Variants in EXOC2 observed in about 807,000 individuals in gnomAD.
EXOC2 encodes the protein exocyst complex component 2, also known as SEC5-like 1.
A neutral mutation model predicts 131.8 loss-of-function variants in EXOC2; 70 were observed. That is an observed-to-expected ratio of 0.53 (90% CI 0.44 to 0.65). The LOEUF is 0.65. EXOC2 is among the 30% of genes least tolerant of loss of function. EXOC2 has a pLI of 0.00. For missense variants in EXOC2, 923 were observed against 1,108.6 expected, an observed-to-expected ratio of 0.83 and a Z score of 2.38; for synonymous variants, 411 against 398.4, an observed-to-expected ratio of 1.03 and a Z score of -0.38.
At chr6:657,941 T>A (rs1394344896) in intron 1 of EXOC2, among the ~76,000 whole-genome samples, 2 of 152,206 alleles carry the variant, frequency 1.3e-5, no homozygotes, top group Non-Finnish European at 2.9e-5. Context: ...CTTTTCACAC[T>A]GTTTTTGGTA....
At chr6:608,552 T>C (rs1046183371) in intron 7 of EXOC2, among the ~76,000 whole-genome samples, 4 of 152,076 alleles carry the variant, frequency 2.6e-5, no homozygotes, top group African/African-American at 7.2e-5. Context: ...GACACTTTTC[T>C]GGAAAAAAAA....
At chr6:515,531 A>T (rs1244181094) in intron 23 of EXOC2, among the ~76,000 whole-genome samples, 1 of 152,230 alleles carries the variant, frequency 6.6e-6, no homozygotes, top group Non-Finnish European at 1.5e-5. Context: ...GGCTGAATGC[A>T]GCCAGTGTGG....
chr6:606,434 CCACAT>C (rs1382282370), intron 7 of EXOC2, among the ~76,000 whole-genome samples: 5 of 151,320 alleles, frequency 3.3e-5, no homozygotes, highest in Non-Finnish European at 4.4e-5. Flanking sequence ...AAAAGAATCT[CCACAT>C]CACAAGAAAA....
intron 1 of EXOC2, among the ~76,000 whole-genome samples, chr6:653,323 C>A (rs1762915725): frequency 6.6e-6 from 1 of 152,196 alleles, no homozygotes; most frequent in Admixed American, 6.5e-5. Flanking sequence ...TAAAGCCAGG[C>A]CTTCTTGTGG....
At chr6:497,968 C>T (rs949405636) in intron 24 of EXOC2, among the ~76,000 whole-genome samples, 1 of 152,208 alleles carries the variant, frequency 6.6e-6, no homozygotes, top group African/African-American at 2.4e-5. Flanking sequence ...TTTACACATA[C>T]TGTACTCAAT....
In EXOC2 at chr6:592,446, C is replaced by T. The variant is rs763159428; in HGVS notation, c.1192+23G>A. On this transcript the variant is annotated intron_variant, in intron 11 of 27. Transcript: ENST00000230449. Reference sequence around the variant, plus strand: ...AAAATGACATGAAGGAATCACACAACACATTGGAAGAGAAATCCTTGCCTT... The same window carrying T: ...AAAATGACATGAAGGAATCACACAATACATTGGAAGAGAAATCCTTGCCTT... 5 of 1,588,914 alleles carry T rather than the reference C, an allele frequency of 3.1e-6. No individual in the cohort carries two copies. The Admixed American group carries it at 8.4e-5, about 27-fold the overall frequency.
At chr6:570,019 A>C (rs1489133670) in intron 13 of EXOC2, among the ~76,000 whole-genome samples, 1 of 152,240 alleles carries the variant, frequency 6.6e-6, no homozygotes, top group East Asian at 1.9e-4. Flanking sequence ...AGGGAAGGCA[A>C]CTACTGTCCA....
At chr6:567,836 C>T (rs1025361884) in intron 13 of EXOC2, among the ~76,000 whole-genome samples, 1 of 152,200 alleles carries the variant, frequency 6.6e-6, no homozygotes, top group Non-Finnish European at 1.5e-5. Flanking sequence ...CTGCCCCAAA[C>T]GCTCTGGGTC....
chr6:657,093 CG>C, intron 1 of EXOC2: 1 of 624,310 alleles, frequency 1.6e-6, no homozygotes, highest in Non-Finnish European at 2.6e-6. Context: ...GTTGCGGTTG[CG>C]GGTTCTGTTG....
chr6:532,463 A>ACTTACCTGTTG lies in EXOC2; in HGVS notation c.2375_2380+5dup. On this transcript the variant is annotated splice_donor_region_variant and intron_variant, in intron 23 of 27. Transcript: ENST00000230449. ...CATCTATTACTCAAGAAACTTTATTACTTACCTGTTGGAGGCAGGCAGTCC... is the reference window on the plus strand; with the variant it reads ...CATCTATTACTCAAGAAACTTTATTACTTACCTGTTGCTTACCTGTTGGAGGCAGGCAGTCC... 2 of 1,571,574 alleles carry ACTTACCTGTTG rather than the reference A, an allele frequency of 1.3e-6. No homozygotes were observed. Among genetic ancestry groups the ACTTACCTGTTG allele is most frequent in the Non-Finnish European group, 1.7e-6 (2 of 1,165,066 alleles).
intron 3 of EXOC2, among the ~76,000 whole-genome samples, chr6:630,215 A>T (rs1183140193): frequency 6.6e-6 from 1 of 152,240 alleles, no homozygotes; most frequent in Non-Finnish European, 1.5e-5. Context: ...TCAACAGAGA[A>T]GACAAATTAA....
chr6:623,414 T>A (rs1761395473), intron 4 of EXOC2, among the ~76,000 whole-genome samples: 1 of 152,242 alleles, frequency 6.6e-6, no homozygotes, highest in Non-Finnish European at 1.5e-5. Context: ...ACTGAAGACA[T>A]TAAAACTCTT....
chr6:563,318 A>T (rs1581445016), intron 16 of EXOC2, among the ~76,000 whole-genome samples: 1 of 152,204 alleles, frequency 6.6e-6, no homozygotes, highest in Non-Finnish European at 1.5e-5. Flanking sequence ...GGGCAGGCTC[A>T]GGTTCCTAGG....
chr6:492,025 G>A (rs551440771), intron 25 of EXOC2, among the ~76,000 whole-genome samples: 4 of 152,316 alleles, frequency 2.6e-5, no homozygotes, highest in Non-Finnish European at 2.9e-5. Flanking sequence ...AGATCTAAAT[G>A]TAAGAAACTT....
At chr6:653,624 A>C (rs935253638) in intron 1 of EXOC2, among the ~76,000 whole-genome samples, 3 of 152,256 alleles carry the variant, frequency 2.0e-5, no homozygotes, top group African/African-American at 7.2e-5. Flanking sequence ...TACGGAAAGA[A>C]GCTATTTCCA....
chr6:566,521 C>G (rs776715590), intron 13 of EXOC2, among the ~76,000 whole-genome samples: 8 of 152,170 alleles, frequency 5.3e-5, no homozygotes, highest in Non-Finnish European at 1.2e-4. Flanking sequence ...CTAACACCAG[C>G]GGCTCTGAGT....
rs559522700 is a variant in EXOC2 at position 585,644 on chromosome 6, T to G, written c.1192+6825A>C. On this transcript the variant is annotated intron_variant, in intron 11 of 27. Transcript: ENST00000230449. Reference sequence around the variant, plus strand: ...TGAATACCACAGGGCTACATACAATTAACATTTTTTTCCCAAACCACCAAA... The same window carrying G: ...TGAATACCACAGGGCTACATACAATGAACATTTTTTTCCCAAACCACCAAA... 1.2e-4 allele frequency among the ~76,000 whole-genome samples: 19 copies of G among 152,332 alleles called. No homozygotes were observed. The East Asian group carries it at 3.7e-3, about 29-fold the overall frequency.
chr6:496,938 C>T (rs1763777112), intron 25 of EXOC2, among the ~76,000 whole-genome samples: 3 of 152,290 alleles, frequency 2.0e-5, no homozygotes, highest in African/African-American at 4.8e-5. Flanking sequence ...CCAAAGTCAA[C>T]TGGTGTTTAC....
Position 680,024 on chromosome 6 carries a change from A to ATT in EXOC2, c.-44+12993_-44+12994dup, listed in dbSNP as rs11345538. Among the ~76,000 whole-genome samples the ATT allele has an allele frequency of 4.2e-3, 637 of 150,282 alleles. 5 individuals carry two copies. Among genetic ancestry groups the ATT allele is most frequent in the South Asian group, 0.021 (100 of 4,716 alleles). ...GCTCTATGCTATACTCCGGATGACT[A>ATT]TTTTTTTTTTTATTTATTATGGAAA... On this transcript the variant is annotated intron_variant, in intron 1 of 27. Coordinates refer to ENST00000230449, the MANE Select transcript of EXOC2 (RefSeq NM_018303.6).
Sources: allele counts gnomAD v4.1 joint callset (sites outside exome capture counted in the v4.1 genomes callset), GRCh38; gene constraint gnomAD v4.1.1; transcripts MANE v1.5; gene names NCBI Gene and HGNC (gene_info 2026-07-23, HGNC 2026-07-21).